Variants in ALCAM observed in about 807,000 individuals in gnomAD.
ALCAM encodes CD166 antigen.
ALCAM carries 30 observed loss-of-function variants against 70.9 expected under a neutral mutation model. The observed-to-expected ratio is 0.42, with a 90% confidence interval of 0.32 to 0.57. The LOEUF is 0.57. Among genes scored for constraint, ALCAM ranks in the 20% least tolerant of loss-of-function variants. ALCAM has a pLI of 0.11. For missense variants in ALCAM, 591 were observed against 695.1 expected, an observed-to-expected ratio of 0.85 and a Z score of 1.68; for synonymous variants, 249 against 242.5, an observed-to-expected ratio of 1.03 and a Z score of -0.25.
At position 105,534,827 on chromosome 3, in the gene ALCAM, G is replaced by T; in HGVS notation, c.712G>T (p.Ala238Ser). ...CCAGAAAACAATTCATTCTGAACAG[G>T]CAGTATTTGATATTTACTGTAAGTA... Reference protein sequence around the residue: ...SGQKTIHSEQAVFDIYYPTEQ... With the variant: ...SGQKTIHSEQSVFDIYYPTEQ... Residue 238 changes from alanine (A) to serine (S), a missense_variant, in exon 6 of 16, where the codon GCA becomes TCA. Ala to Ser is a moderately conservative substitution (Grantham distance 99). This residue lies in a region of ALCAM where 427 missense variants were observed against 450.4 expected (regional missense o/e 0.95). Coordinates refer to ENST00000306107, the MANE Select transcript of ALCAM (RefSeq NM_001627.4). 6.2e-7 allele frequency: 1 copy of T among 1,612,222 alleles called. No homozygotes were observed. The highest frequency in any genetic ancestry group is 1.7e-5 in the Admixed American group (1 of 59,792).
chr3:105,398,232 C>T (rs368682119), intron 1 of ALCAM, among the ~76,000 whole-genome samples: 21 of 152,060 alleles, frequency 1.4e-4, no homozygotes, highest in Admixed American at 1.2e-3. Context: ...TGTCTATATA[C>T]CAAAACTTCA....
rs528176349 is a variant in ALCAM, at chr3:105,382,498, A to C, written c.73+15017A>C. Among the ~76,000 whole-genome samples the C allele has an allele frequency of 2.8e-3, 423 of 152,046 alleles. 1 individual carries two copies. Among genetic ancestry groups the C allele is most frequent in the Non-Finnish European group, 4.8e-3 (327 of 67,912 alleles). On this transcript the variant is annotated intron_variant, in intron 1 of 15. Coordinates refer to ENST00000306107, the MANE Select transcript of ALCAM (RefSeq NM_001627.4). ...TCAAATGGTATTTCTAGTTCTAGAT[A>C]CCTGAGGACTCCCCACACTGACTTC... is the stretch of plus-strand genomic sequence containing the variant.
At chr3:105,371,666 A>G (rs1019485365) in intron 1 of ALCAM, among the ~76,000 whole-genome samples, 16 of 152,080 alleles carry the variant, frequency 1.1e-4, no homozygotes, top group African/African-American at 3.6e-4. Context: ...ATGCTTTATA[A>G]TCACCATGTT....
chr3:105,372,663 A>C (rs1478230625), intron 1 of ALCAM, among the ~76,000 whole-genome samples: 1 of 152,140 alleles, frequency 6.6e-6, no homozygotes, highest in Non-Finnish European at 1.5e-5. Context: ...GTCTGGTCTA[A>C]GAATTCATAG....
intron 14 of ALCAM, among the ~76,000 whole-genome samples, chr3:105,559,334 A>G (rs1340627301): frequency 2.0e-5 from 3 of 148,680 alleles, no homozygotes; most frequent in African/African-American, 7.4e-5. Context: ...TATATATGCT[A>G]TTATAACAAA....
At chr3:105,435,060 C>A (rs1474220598) in intron 1 of ALCAM, among the ~76,000 whole-genome samples, 1 of 152,122 alleles carries the variant, frequency 6.6e-6, no homozygotes, top group Non-Finnish European at 1.5e-5. Flanking sequence ...TCAGGCAATT[C>A]CTTAACTTTC....
Position 105,367,256 on chromosome 3 carries a change from G to A in ALCAM, c.-153G>A. The A allele has an allele frequency of 1.5e-6, 1 of 679,162 alleles. No individual in the cohort carries two copies. Among genetic ancestry groups the A allele is most frequent in the Non-Finnish European group, 2.5e-6 (1 of 398,582 alleles). 42.1% of individuals were successfully genotyped at this position (679,162 alleles called of 1,614,324 possible). A position where few individuals can be genotyped will look rare whatever the true frequency, so the allele number is the denominator to read the frequency against. ...AAGTTGCGTGCGGCAGAGAACCGAA[G>A]GTGCAGCGCCACAGCCCAGGGGACG... On this transcript the variant is annotated 5_prime_UTR_variant, in exon 1 of 16. Transcript: ENST00000306107.
intron 14 of ALCAM, among the ~76,000 whole-genome samples, chr3:105,562,212 C>A (rs1229744215): frequency 6.6e-6 from 1 of 152,144 alleles, no homozygotes; most frequent in Non-Finnish European, 1.5e-5. Context: ...CATAAAATTC[C>A]AACTGTTTAG....
intron 1 of ALCAM, among the ~76,000 whole-genome samples, chr3:105,492,612 C>A (rs7618851): frequency 0.013 from 2,004 of 152,274 alleles, 35 homozygotes; most frequent in African/African-American, 0.044. Context: ...TATAACCCAA[C>A]ATATGTCAAA....
chr3:105,552,720 A>G (rs1940440099), intron 14 of ALCAM, 135 bp downstream of exon 14: 2 of 1,506,382 alleles, frequency 1.3e-6, no homozygotes, highest in African/African-American at 2.8e-5. Context: ...CAGGTTGATT[A>G]TATATTTTGT....
At chr3:105,572,819 C>G (rs554642100) in intron 15 of ALCAM, among the ~76,000 whole-genome samples, 2 of 152,106 alleles carry the variant, frequency 1.3e-5, no homozygotes, top group Non-Finnish European at 2.9e-5. Context: ...CCAGTTTCCC[C>G]CACTCCCTCC....
intron 1 of ALCAM, among the ~76,000 whole-genome samples, chr3:105,428,172 T>C (rs78114907): frequency 0.014 from 2,165 of 152,078 alleles, 37 homozygotes; most frequent in African/African-American, 0.048. Context: ...GAGTAAATAT[T>C]ATCATGCAAT....
chr3:105,367,625 C>A (rs996228969), intron 1 of ALCAM, 144 bp downstream of exon 1: 1 of 932,946 alleles, frequency 1.1e-6, no homozygotes, highest in African/African-American at 1.7e-5. Flanking sequence ...ACAGAGCTGT[C>A]CCCGGGCTCG....
chr3:105,471,422 C>T (rs115864683), intron 1 of ALCAM, among the ~76,000 whole-genome samples: 575 of 151,182 alleles, frequency 3.8e-3, no homozygotes, highest in African/African-American at 0.013. Flanking sequence ...GAAAATGGGT[C>T]CAGGTAAAAG....
intron 1 of ALCAM, among the ~76,000 whole-genome samples, chr3:105,491,219 A>T (rs1276562695): frequency 6.6e-6 from 1 of 152,192 alleles, no homozygotes; most frequent in Non-Finnish European, 1.5e-5. Context: ...GATTCAGGAC[A>T]CCAAGTCCAA....
At chr3:105,493,555 C>T (rs1462719086) in intron 1 of ALCAM, among the ~76,000 whole-genome samples, 1 of 152,004 alleles carries the variant, frequency 6.6e-6, no homozygotes, top group African/African-American at 2.4e-5. Context: ...ACTTCCTGGC[C>T]GCAGTGAGGA....
rs371169488 is a variant in ALCAM, at chr3:105,503,129, G to A, written c.74-16938G>A. Among the ~76,000 whole-genome samples, 4 of 152,274 alleles carry A rather than the reference G, an allele frequency of 2.6e-5. No homozygotes were observed. The South Asian group carries it at 6.2e-4, about 24-fold the overall frequency. Reference sequence around the variant, plus strand: ...ATAGTGTGTGGCAAAAAGGGCTCGCGTGTGTTAAAGCCAAAATGCATTTTG... The same window carrying A: ...ATAGTGTGTGGCAAAAAGGGCTCGCATGTGTTAAAGCCAAAATGCATTTTG... On this transcript the variant is annotated intron_variant, in intron 1 of 15. Transcript: ENST00000306107.
At chr3:105,445,589 G>A (rs1216224967) in intron 1 of ALCAM, among the ~76,000 whole-genome samples, 2 of 152,074 alleles carry the variant, frequency 1.3e-5, no homozygotes, top group African/African-American at 4.8e-5. Context: ...ACACTACAAA[G>A]CTAATAGTAA....
chr3:105,464,180 T>C (rs1431066865), intron 1 of ALCAM, among the ~76,000 whole-genome samples: 1 of 151,394 alleles, frequency 6.6e-6, no homozygotes, highest in African/African-American at 2.4e-5. Context: ...AAATTAAGAT[T>C]TTTTTAATTA....
Sources: gnomAD v4.1 joint callset for allele counts (sites outside exome capture counted in the v4.1 genomes callset) on GRCh38, gnomAD v4.1.1 for gene constraint, gnomAD v4.1.1 regional missense constraint, MANE v1.5 for transcripts, NCBI Gene and HGNC (gene_info 2026-07-23, HGNC 2026-07-21) for gene names.